RHOBTB3: variants seen among roughly 807,000 people sequenced by gnomAD.
The protein encoded by RHOBTB3 is Rho related BTB domain containing 3, also known as rho-related BTB domain-containing protein 3.
Under a neutral mutation model 67.2 loss-of-function variants are expected in RHOBTB3, and 47 were observed. That is an observed-to-expected ratio of 0.70 (90% confidence interval 0.55 to 0.89). The LOEUF (loss-of-function observed/expected upper bound fraction) is 0.89, where lower values mean the gene tolerates loss of function less well. Ranked by LOEUF, RHOBTB3 falls within the 40% of genes least tolerant of loss-of-function variation. The pLI is 0.00. For synonymous variants in RHOBTB3, 273 were observed against 274.2 expected (o/e 1.00, Z 0.04); for missense variants, 631 against 750.0 (o/e 0.84, Z 1.85).
At chr5:95,751,939 A>G (rs1745101952) in intron 4 of RHOBTB3, among the ~76,000 whole-genome samples, 1 of 152,192 alleles carries the variant, frequency 6.6e-6, no homozygotes, top group Non-Finnish European at 1.5e-5. Flanking sequence ...TCTATCGGTG[A>G]TGGACATTTA....
chr5:95,728,034 G>A (rs1344842541), upstream of RHOBTB3, among the ~76,000 whole-genome samples: 3 of 152,238 alleles, frequency 2.0e-5, no homozygotes, highest in Non-Finnish European at 4.4e-5. Flanking sequence ...AGAATGGAGA[G>A]ACACACTTCT....
At chr5:95,758,573 TG>T (rs934016134) in intron 6 of RHOBTB3, among the ~76,000 whole-genome samples, 10 of 152,318 alleles carry the variant, frequency 6.6e-5, no homozygotes, top group African/African-American at 2.4e-4. Context: ...TCTCTGGTTG[TG>T]GTTGCAGGGT....
At chr5:95,755,887 A>T in intron 6 of RHOBTB3, 126 bp downstream of exon 6, 2 of 863,350 alleles carry the variant, frequency 2.3e-6, no homozygotes, top group Non-Finnish European at 3.5e-6. Context: ...GATTAAGATT[A>T]TACATGAAAT....
intron 3 of RHOBTB3, among the ~76,000 whole-genome samples, chr5:95,741,225 A>G (rs1481405050): frequency 1.3e-5 from 2 of 151,750 alleles, no homozygotes; most frequent in Non-Finnish European, 2.9e-5. Context: ...CTATTTAGGA[A>G]GCTGAAGCAG....
intron 10 of RHOBTB3, among the ~76,000 whole-genome samples, chr5:95,788,455 C>T (rs1017645002): frequency 1.3e-5 from 2 of 152,188 alleles, no homozygotes; most frequent in Non-Finnish European, 2.9e-5. Flanking sequence ...AGATTAAAAG[C>T]TCAAATTAAA....
rs1755237126 is a variant in RHOBTB3, at chr5:95,731,368, G to A, written c.-315G>A. On this transcript the variant is annotated 5_prime_UTR_variant, in exon 1 of 12. Transcript: ENST00000379982. ...GGCGACAGCTGCCAGCCGAGGAGGC[G>A]CGGCGGAGAGGGGACTGCGGTCAGC... is the stretch of plus-strand genomic sequence containing the variant. The A allele has an allele frequency of 3.5e-6, 4 of 1,145,418 alleles. No individual in the cohort carries two copies. The highest frequency in any genetic ancestry group is 4.3e-6 in the Non-Finnish European group (4 of 935,582). 71.0% of individuals were successfully genotyped at this position (1,145,418 alleles called of 1,614,324 possible). A position where few individuals can be genotyped will look rare whatever the true frequency, so the allele number is the denominator to read the frequency against.
intron 8 of RHOBTB3, among the ~76,000 whole-genome samples, chr5:95,771,034 C>G (rs879515636): frequency 1.3e-5 from 2 of 152,108 alleles, no homozygotes; most frequent in Admixed American, 6.5e-5. Flanking sequence ...TACTACTATG[C>G]TGTTAAAGTC....
chr5:95,732,192 A>C (rs1040481399), intron 2 of RHOBTB3, 108 bp downstream of exon 2: 1 of 969,050 alleles, frequency 1.0e-6, no homozygotes, highest in East Asian at 2.6e-5. Context: ...TCCGCGTTAC[A>C]TGGGTCAAAT....
At chr5:95,767,893 A>G (rs1183083608) in intron 7 of RHOBTB3, 153 bp from the exon 8 acceptor site, 1 of 773,266 alleles carries the variant, frequency 1.3e-6, no homozygotes, top group Admixed American at 2.0e-5. Context: ...TCTTAAAGGT[A>G]AGTTCCTTTG....
intron 8 of RHOBTB3, among the ~76,000 whole-genome samples, chr5:95,778,476 C>T (rs1745956570): frequency 6.6e-6 from 1 of 151,628 alleles, no homozygotes; most frequent in Non-Finnish European, 1.5e-5. Flanking sequence ...ATTCGGAGAG[C>T]TAACTGTACT....
upstream of RHOBTB3, among the ~76,000 whole-genome samples, chr5:95,728,958 G>A (rs1755138128): frequency 2.6e-5 from 4 of 152,176 alleles, no homozygotes; most frequent in Admixed American, 2.0e-4. Flanking sequence ...CCAGCACAAT[G>A]AGTCTACAAA....
chr5:95,756,067 T>C lies in RHOBTB3; in HGVS notation c.1048+306T>C, dbSNP rs376053187. ...CACAGTTCAGTGGAATTAAACACAT[T>C]CATAATGTTGTGTAACTATCACCAC... is the stretch of plus-strand genomic sequence containing the variant. On this transcript the variant is annotated intron_variant, in intron 6 of 11. Coordinates refer to ENST00000379982, the MANE Select transcript of RHOBTB3 (RefSeq NM_014899.4). 7.9e-5 allele frequency: 21 copies of C among 265,842 alleles called. No individual in the cohort carries two copies. In the East Asian group the frequency reaches 1.5e-3, roughly 18 times the overall value. 16.5% of individuals were successfully genotyped at this position (265,842 alleles called of 1,614,324 possible).
At chr5:95,790,198 A>G (rs535436218) in intron 11 of RHOBTB3, among the ~76,000 whole-genome samples, 8 of 152,362 alleles carry the variant, frequency 5.3e-5, no homozygotes, top group Middle Eastern at 3.4e-3. Flanking sequence ...TTTATTAGCT[A>G]TGTACTTTGT....
At chr5:95,740,442 C>G (rs1267700755) in intron 3 of RHOBTB3, among the ~76,000 whole-genome samples, 1 of 152,158 alleles carries the variant, frequency 6.6e-6, no homozygotes, top group East Asian at 1.9e-4. Context: ...GCAACATCCC[C>G]CAAATGCCCA....
intron 2 of RHOBTB3, chr5:95,732,305 G>C (rs1424156851): frequency 4.9e-6 from 3 of 609,816 alleles, no homozygotes. Flanking sequence ...CAGTGGGAAT[G>C]TGGAGCACTT....
At chr5:95,742,113 T>A (rs1417715712) in intron 3 of RHOBTB3, among the ~76,000 whole-genome samples, 1 of 152,174 alleles carries the variant, frequency 6.6e-6, no homozygotes, top group Non-Finnish European at 1.5e-5. Context: ...CTTCAGGAAC[T>A]CTGGTTCCTT....
At chr5:95,764,580 T>G (rs1363612780) in intron 7 of RHOBTB3, among the ~76,000 whole-genome samples, 1 of 152,236 alleles carries the variant, frequency 6.6e-6, no homozygotes, top group Non-Finnish European at 1.5e-5. Context: ...TTAGCCAGTG[T>G]ATTTTTTTGT....
At chr5:95,764,385 C>T (rs1413567111) in intron 7 of RHOBTB3, among the ~76,000 whole-genome samples, 9 of 152,048 alleles carry the variant, frequency 5.9e-5, no homozygotes, top group African/African-American at 1.7e-4. Context: ...ATCTATTCAA[C>T]GAGGTGGACA....
intron 3 of RHOBTB3, among the ~76,000 whole-genome samples, chr5:95,740,212 G>T (rs1447998578): frequency 6.6e-6 from 1 of 152,158 alleles, no homozygotes. Context: ...GTGGAACTAT[G>T]AGTCCATTAA....
Sources: allele counts gnomAD v4.1 joint callset (sites outside exome capture counted in the v4.1 genomes callset), GRCh38; gene constraint gnomAD v4.1.1; transcripts MANE v1.5; gene names NCBI Gene and HGNC (gene_info 2026-07-23, HGNC 2026-07-21).